The following KIF16B variants were observed in gnomAD, a reference collection of about 807,000 sequenced individuals.
The protein encoded by KIF16B is kinesin family member 16B, also known as kinesin-like protein KIF16B.
A neutral mutation model predicts 156.3 loss-of-function variants in KIF16B; 98 were observed. That is an observed-to-expected ratio of 0.63 (90% CI 0.53 to 0.74). KIF16B has a LOEUF of 0.74. Among genes scored for constraint, KIF16B ranks in the 30% least tolerant of loss-of-function variants. The pLI, the probability that KIF16B is intolerant of heterozygous loss-of-function variation, is 0.00. For synonymous variants in KIF16B, 564 were observed against 583.7 expected, an observed-to-expected ratio of 0.97 and a Z score of 0.49; for missense variants, 1,421 against 1,606.5, an observed-to-expected ratio of 0.88 and a Z score of 1.97.
chr20:16,461,789 G>C (rs1487335380), intron 12 of KIF16B, among the ~76,000 whole-genome samples: 2 of 152,188 alleles, frequency 1.3e-5, no homozygotes, highest in African/African-American at 4.8e-5. Context: ...ATGCCCAAAA[G>C]AATTAGAGAA....
chr20:16,355,993 G>T (rs2064433561), intron 23 of KIF16B, among the ~76,000 whole-genome samples: 1 of 152,192 alleles, frequency 6.6e-6, no homozygotes, highest in Non-Finnish European at 1.5e-5. Flanking sequence ...AACTGTCCTG[G>T]TTTGCTCAGG....
chr20:16,450,442 A>G (rs2067049299), intron 12 of KIF16B, among the ~76,000 whole-genome samples: 1 of 152,166 alleles, frequency 6.6e-6, no homozygotes, highest in Non-Finnish European at 1.5e-5. Flanking sequence ...CTACCGCAAA[A>G]GCTTTCCCAG....
chr20:16,459,837 C>T (rs1039580940), intron 12 of KIF16B, among the ~76,000 whole-genome samples: 1 of 152,146 alleles, frequency 6.6e-6, no homozygotes, highest in Non-Finnish European at 1.5e-5. Context: ...CATTCCAATA[C>T]TTCCCAGCCT....
At chr20:16,356,584 T>C in intron 22 of KIF16B, 132 bp from the exon 23 acceptor site, 2 of 954,470 alleles carry the variant, frequency 2.1e-6, no homozygotes, top group South Asian at 3.5e-5. Context: ...AGGGTTTATT[T>C]AGAAAAATGA....
intron 15 of KIF16B, among the ~76,000 whole-genome samples, chr20:16,419,890 T>C (rs868398135): frequency 1.3e-5 from 2 of 152,066 alleles, no homozygotes; most frequent in Non-Finnish European, 2.9e-5. Flanking sequence ...AAATCTAAGG[T>C]CTAAGCCACT....
intron 17 of KIF16B, among the ~76,000 whole-genome samples, chr20:16,400,138 T>C (rs2065612602): frequency 2.0e-5 from 3 of 152,272 alleles, no homozygotes; most frequent in Admixed American, 6.5e-5. Context: ...AGAGAGGTCA[T>C]GTAATCATCA....
intron 15 of KIF16B, among the ~76,000 whole-genome samples, chr20:16,408,322 T>C (rs772736192): frequency 2.0e-5 from 3 of 152,182 alleles, no homozygotes; most frequent in Non-Finnish European, 2.9e-5. Flanking sequence ...TTATCCACTC[T>C]ACAATTTGCT....
chr20:16,316,056 T>C (rs1242748252), intron 24 of KIF16B, among the ~76,000 whole-genome samples: 5 of 152,252 alleles, frequency 3.3e-5, no homozygotes, highest in Non-Finnish European at 7.3e-5. Context: ...GTCTCCTCTT[T>C]AGAGAATCCT....
rs144601869 is a variant in KIF16B, at chr20:16,379,932, G to A, written c.2070C>T (p.Ile690=). ...EEERLREQQE[I]ELQKKRQEEE... is the part of the protein sequence containing the mutation. ...CTTCTTGTCTCTTCTTCTGCAGCTC[G>A]ATTTCCTGCTGTTCCCTCAGCCTCT... The change falls in exon 19 of 26, where the codon ATC becomes ATT. Residue 690 remains isoleucine (I), a synonymous_variant. Transcript: ENST00000354981. The A allele has an allele frequency of 8.6e-4, 1,393 of 1,614,144 alleles. 12 individuals are homozygous for A. The highest frequency in any genetic ancestry group is 2.2e-4 in the Non-Finnish European group (263 of 1,180,040).
chr20:16,446,454 T>C (rs2066933483), intron 12 of KIF16B, among the ~76,000 whole-genome samples: 1 of 152,162 alleles, frequency 6.6e-6, no homozygotes, highest in South Asian at 2.1e-4. Context: ...TGGTGGCATG[T>C]TCCCCTGCAC....
chr20:16,422,394 G>A (rs1339551242), intron 15 of KIF16B, among the ~76,000 whole-genome samples: 1 of 152,080 alleles, frequency 6.6e-6, no homozygotes, highest in African/African-American at 2.4e-5. Flanking sequence ...AAATCCACAA[G>A]AGACTATTTT....
At chr20:16,359,926 T>C (rs181842271) in intron 22 of KIF16B, among the ~76,000 whole-genome samples, 2 of 152,300 alleles carry the variant, frequency 1.3e-5, no homozygotes, top group Admixed American at 1.3e-4. Flanking sequence ...CATATCATAC[T>C]GGGGATGAGA....
At chr20:16,297,362 A>T (rs927901062) in intron 25 of KIF16B, among the ~76,000 whole-genome samples, 1 of 152,210 alleles carries the variant, frequency 6.6e-6, no homozygotes, top group Admixed American at 6.5e-5. Flanking sequence ...TAAAACTCAC[A>T]AATATATTTA....
At chr20:16,382,612 C>A in intron 17 of KIF16B, among the ~76,000 whole-genome samples, 1 of 152,180 alleles carries the variant, frequency 6.6e-6, no homozygotes, top group Non-Finnish European at 1.5e-5. Context: ...AATAATAACA[C>A]AAGCTGATTT....
intron 17 of KIF16B, among the ~76,000 whole-genome samples, chr20:16,403,762 G>T (rs1488424226): frequency 6.6e-6 from 1 of 152,188 alleles, no homozygotes; most frequent in African/African-American, 2.4e-5. Context: ...TTCCTTGTAG[G>T]TATCTGCTTT....
intron 10 of KIF16B, among the ~76,000 whole-genome samples, chr20:16,499,251 C>A (rs2068547210): frequency 6.6e-6 from 1 of 152,164 alleles, no homozygotes; most frequent in Non-Finnish European, 1.5e-5. Flanking sequence ...CACCCTGTTA[C>A]AAGAGTCACT....
At chr20:16,385,026 G>A (rs112868202) in intron 17 of KIF16B, among the ~76,000 whole-genome samples, 6,907 of 151,762 alleles carry the variant, frequency 0.046, 185 homozygotes, top group African/African-American at 0.079. Context: ...GTGAAACCCC[G>A]TCTCTACTAA....
intron 25 of KIF16B, among the ~76,000 whole-genome samples, chr20:16,291,693 G>A (rs1441385174): frequency 6.6e-6 from 1 of 152,132 alleles, no homozygotes; most frequent in Non-Finnish European, 1.5e-5. Context: ...CTGCCACAAG[G>A]ACATTGCCTT....
chr20:16,557,571 G>A (rs1462921108), intron 1 of KIF16B, among the ~76,000 whole-genome samples: 1 of 152,196 alleles, frequency 6.6e-6, no homozygotes, highest in Non-Finnish European at 1.5e-5. Flanking sequence ...TTAAAGTCAT[G>A]TTTCAGAAGA....
Sources: allele counts gnomAD v4.1 joint callset (sites outside exome capture counted in the v4.1 genomes callset), GRCh38; gene constraint gnomAD v4.1.1; transcripts MANE v1.5; gene names NCBI Gene and HGNC (gene_info 2026-07-23, HGNC 2026-07-21).